The following ABCC1 variants were observed in gnomAD, a reference collection of about 807,000 sequenced individuals.
The protein encoded by ABCC1 is multidrug resistance-associated protein 1.
In ABCC1, 83 loss-of-function variants were observed where a neutral mutation model predicts 172.9. The observed-to-expected ratio is 0.48, with a 90% CI of 0.40 to 0.58. The LOEUF (loss-of-function observed/expected upper bound fraction) is 0.58. Among genes scored for constraint, ABCC1 ranks in the 20% least tolerant of loss-of-function variants. The pLI, the probability that ABCC1 is intolerant of heterozygous loss-of-function variation, is 0.00. For missense variants in ABCC1, 1,817 were observed against 2,002.7 expected, an observed-to-expected ratio of 0.91 and a Z score of 1.77; for synonymous variants, 937 against 825.2, an observed-to-expected ratio of 1.14 and a Z score of -2.32.
chr16:16,050,354 G>A (rs1273581269), intron 10 of ABCC1, among the ~76,000 whole-genome samples: 1 of 152,068 alleles, frequency 6.6e-6, no homozygotes. Context: ...AACTACTTGG[G>A]TGGCTGAGGC....
At chr16:15,959,999 G>C (rs997703471) in intron 1 of ABCC1, among the ~76,000 whole-genome samples, 2 of 152,152 alleles carry the variant, frequency 1.3e-5, no homozygotes, top group African/African-American at 4.8e-5. Flanking sequence ...TTTTCTCTCT[G>C]AGGAACCTCA....
chr16:16,070,652 G>A (rs572577831), intron 13 of ABCC1, among the ~76,000 whole-genome samples: 28 of 152,210 alleles, frequency 1.8e-4, no homozygotes, highest in Non-Finnish European at 3.1e-4. Flanking sequence ...GTGACAGAGC[G>A]AGACTCCATC....
intron 1 of ABCC1, among the ~76,000 whole-genome samples, chr16:15,956,375 A>C (rs2045998389): frequency 6.6e-6 from 1 of 151,924 alleles, no homozygotes; most frequent in Admixed American, 6.6e-5. Context: ...AAAAAAAAAA[A>C]ACACAATAAA....
At chr16:16,127,663 C>G (rs2045493763) in intron 26 of ABCC1, among the ~76,000 whole-genome samples, 1 of 152,154 alleles carries the variant, frequency 6.6e-6, no homozygotes, top group African/African-American at 2.4e-5. Flanking sequence ...GGGAGTCATG[C>G]TACCCGGCCT....
intron 1 of ABCC1, among the ~76,000 whole-genome samples, chr16:15,971,717 G>A (rs866139906): frequency 3.9e-5 from 6 of 152,056 alleles, no homozygotes; most frequent in Non-Finnish European, 8.8e-5. Flanking sequence ...TGTGCTTCAG[G>A]TTACAGCACC....
chr16:15,999,484 A>G (rs1311205655), intron 1 of ABCC1, among the ~76,000 whole-genome samples: 2 of 151,556 alleles, frequency 1.3e-5, no homozygotes, highest in East Asian at 4.0e-4. Context: ...GCGTGGTGGC[A>G]GGCGCCTATA....
intron 4 of ABCC1, 29 bp from the exon 5 acceptor site, chr16:16,016,467 T>G: frequency 6.2e-7 from 1 of 1,613,232 alleles, no homozygotes; most frequent in Non-Finnish European, 8.5e-7. Flanking sequence ...GAATGTGATC[T>G]TTTTCTTCCT....
At chr16:16,068,573 C>T (rs1338474835) in intron 13 of ABCC1, among the ~76,000 whole-genome samples, 1 of 152,218 alleles carries the variant, frequency 6.6e-6, no homozygotes, top group Non-Finnish European at 1.5e-5. Flanking sequence ...CCGAAATACT[C>T]TGTTCTCTTC....
At chr16:16,029,108 G>A (rs2048474098) in intron 5 of ABCC1, among the ~76,000 whole-genome samples, 1 of 152,204 alleles carries the variant, frequency 6.6e-6, no homozygotes. Context: ...AGCGGAGCCT[G>A]ATCCTTAGCC....
At chr16:16,016,152 T>G (rs908462153) in intron 4 of ABCC1, among the ~76,000 whole-genome samples, 13 of 140,848 alleles carry the variant, frequency 9.2e-5, no homozygotes, top group African/African-American at 2.9e-4. Flanking sequence ...GATCTTGGTT[T>G]TTTTTTTTTT....
rs756738456 is a variant in ABCC1, at chr16:16,111,588, T to A, written c.3079+6T>A. On this transcript the variant is annotated splice_donor_region_variant and intron_variant, in intron 22 of 30. Coordinates refer to ENST00000399410, the MANE Select transcript of ABCC1 (RefSeq NM_004996.4). ...AGCCCTGGGCATTTCACAAGGTTGG[T>A]GCCGCTGTCTCCCACCCCGCCTGAT... is the stretch of plus-strand genomic sequence containing the variant. 1.9e-6 allele frequency: 3 copies of A among 1,610,366 alleles called. No homozygotes were observed. Among genetic ancestry groups the A allele is most frequent in the Non-Finnish European group, 2.5e-6 (3 of 1,178,522 alleles).
In ABCC1 at chr16:16,101,731, AACC is replaced by A. The variant is rs2051759976; in HGVS notation, c.2645-895_2645-893del. Among the ~76,000 whole-genome samples the A allele has an allele frequency of 2.6e-5, 4 of 152,270 alleles. No homozygotes were observed. The South Asian group carries it at 6.2e-4, about 24-fold the overall frequency. On this transcript the variant is annotated intron_variant, in intron 19 of 30. Transcript: ENST00000399410. ...TCATCATCATCACTGAGTTATTGTGAACCGGGAAAGAGATATGATCTGTGTTGA... is the reference window on the plus strand; with the variant it reads ...TCATCATCATCACTGAGTTATTGTGAGGGAAAGAGATATGATCTGTGTTGA...
At chr16:16,131,358 G>T (rs901264851) in intron 26 of ABCC1, among the ~76,000 whole-genome samples, 3 of 152,174 alleles carry the variant, frequency 2.0e-5, no homozygotes, top group African/African-American at 7.2e-5. Context: ...ATCAGCAGCT[G>T]TGTCACTCTT....
chr16:16,111,067 C>T (rs998634711), intron 21 of ABCC1, among the ~76,000 whole-genome samples: 7 of 151,976 alleles, frequency 4.6e-5, no homozygotes, highest in African/African-American at 7.3e-5. Context: ...ACCCGGCTAA[C>T]TTTATATTTT....
At chr16:16,109,907 C>T (rs755223665) in intron 21 of ABCC1, among the ~76,000 whole-genome samples, 5 of 152,206 alleles carry the variant, frequency 3.3e-5, no homozygotes, top group Admixed American at 6.5e-5. Flanking sequence ...AATCCTGACC[C>T]GAGTCTCCCA....
rs1175470674 is a variant in ABCC1 at position 16,088,420 on chromosome 16, G to A, written c.2460+1429G>A. 3.3e-5 allele frequency among the ~76,000 whole-genome samples: 5 copies of A among 152,152 alleles called. 1 individual carries two copies. The South Asian group carries it at 6.2e-4, about 19-fold the overall frequency. ...AGATTGCGCCACTGCACTCTAGCCTGGGTAACAGAGCGAGACTCCGTCTCA... is the reference window on the plus strand; with the variant it reads ...AGATTGCGCCACTGCACTCTAGCCTAGGTAACAGAGCGAGACTCCGTCTCA... On this transcript the variant is annotated intron_variant, in intron 18 of 30. Coordinates refer to ENST00000399410, the MANE Select transcript of ABCC1 (RefSeq NM_004996.4).
chr16:16,113,387 A>G (rs1186479699), intron 22 of ABCC1, among the ~76,000 whole-genome samples: 10 of 152,182 alleles, frequency 6.6e-5, no homozygotes, highest in African/African-American at 2.4e-4. Flanking sequence ...TGGGCGCAGT[A>G]GCTCACGCCT....
At chr16:16,064,572 T>G (rs1285234820) in intron 12 of ABCC1, among the ~76,000 whole-genome samples, 1 of 152,212 alleles carries the variant, frequency 6.6e-6, no homozygotes, top group African/African-American at 2.4e-5. Flanking sequence ...CGGCATCGAT[T>G]GGTACTTGGC....
chr16:16,121,206 TTAA>T (rs1307989008), intron 23 of ABCC1, among the ~76,000 whole-genome samples: 2 of 152,232 alleles, frequency 1.3e-5, no homozygotes, highest in African/African-American at 2.4e-5. Context: ...GTTTGTTTTC[TTAA>T]TAATATTTTA....
Sources: gnomAD v4.1 joint callset for allele counts (sites outside exome capture counted in the v4.1 genomes callset) on GRCh38, gnomAD v4.1.1 for gene constraint, MANE v1.5 for transcripts, NCBI Gene and HGNC (gene_info 2026-07-23, HGNC 2026-07-21) for gene names.